The following DOCK1 variants were observed in gnomAD, a reference collection of about 807,000 sequenced individuals.
DOCK1 encodes dedicator of cytokinesis 1.
Under a neutral mutation model 262.7 loss-of-function variants are expected in DOCK1, and 138 were observed. The ratio of observed to expected loss-of-function variants is 0.53; its 90% confidence interval spans 0.46 to 0.61. DOCK1 has a LOEUF of 0.61. Ranked by LOEUF, DOCK1 falls within the 20% of genes least tolerant of loss-of-function variation. The probability of loss-of-function intolerance (pLI) is 0.00; values close to 1 mark genes in which losing one functional copy is unlikely to be tolerated. For synonymous variants in DOCK1, 866 were observed against 867.4 expected (o/e 1.00, Z 0.03); for missense variants, 1,908 against 2,370.7 (o/e 0.80, Z 4.05).
intron 35 of DOCK1, among the ~76,000 whole-genome samples, chr10:127,375,696 A>G (rs1448155082): frequency 1.3e-5 from 2 of 152,228 alleles, no homozygotes. Context: ...TCGCCCCTTC[A>G]TTGCATGGCT....
chr10:127,278,164 A>G (rs919995505), intron 29 of DOCK1, among the ~76,000 whole-genome samples: 1 of 152,166 alleles, frequency 6.6e-6, no homozygotes, highest in Admixed American at 6.5e-5. Flanking sequence ...AAACTAAAAA[A>G]GTATATTCTC....
intron 27 of DOCK1, among the ~76,000 whole-genome samples, chr10:127,239,696 A>G (rs909511800): frequency 6.6e-6 from 1 of 152,118 alleles, no homozygotes; most frequent in African/African-American, 2.4e-5. Flanking sequence ...TTTCTATTAT[A>G]GTGTGTTTTC....
intron 51 of DOCK1, among the ~76,000 whole-genome samples, chr10:127,448,477 G>A (rs751708857): frequency 1.3e-5 from 2 of 152,178 alleles, no homozygotes; most frequent in Non-Finnish European, 2.9e-5. Flanking sequence ...ATCCCTGCGG[G>A]TCCCAGCCCC....
chr10:126,978,582 T>G (rs763686498), intron 3 of DOCK1, among the ~76,000 whole-genome samples: 1 of 152,218 alleles, frequency 6.6e-6, no homozygotes, highest in African/African-American at 2.4e-5. Context: ...CTTAGCTTCA[T>G]GGAACCTAAT....
chr10:127,284,979 A>G (rs1288937548), intron 29 of DOCK1, among the ~76,000 whole-genome samples: 2 of 152,076 alleles, frequency 1.3e-5, no homozygotes, highest in African/African-American at 4.8e-5. Context: ...CAAAAAAAAA[A>G]TTTAAAAATT....
At chr10:127,435,173 T>G (rs1171853782) in intron 48 of DOCK1, among the ~76,000 whole-genome samples, 1 of 152,200 alleles carries the variant, frequency 6.6e-6, no homozygotes, top group Admixed American at 6.5e-5. Context: ...GTAAAGTTTG[T>G]TCTTCTACAA....
At chr10:126,920,952 G>A (rs991737516) in intron 1 of DOCK1, among the ~76,000 whole-genome samples, 1 of 152,074 alleles carries the variant, frequency 6.6e-6, no homozygotes, top group South Asian at 2.1e-4. Context: ...ATCCCAGCAC[G>A]TTGGGAGGCC....
chr10:127,315,616 C>G (rs945926150), intron 29 of DOCK1, among the ~76,000 whole-genome samples: 1 of 152,158 alleles, frequency 6.6e-6, no homozygotes, highest in African/African-American at 2.4e-5. Flanking sequence ...TAGGGCAGCC[C>G]CAACGAACTA....
intron 24 of DOCK1, 88 bp from the exon 25 acceptor site, chr10:127,110,160 T>C: frequency 9.5e-7 from 1 of 1,047,686 alleles, no homozygotes; most frequent in Non-Finnish European, 1.4e-6. Context: ...TTAATGACCA[T>C]GTGATGACCT....
intron 1 of DOCK1, among the ~76,000 whole-genome samples, chr10:126,925,990 T>A (rs1314881131): frequency 6.6e-6 from 1 of 152,074 alleles, no homozygotes; most frequent in East Asian, 1.9e-4. Flanking sequence ...GGGTGCAAAC[T>A]CCTTAATTCC....
intron 27 of DOCK1, among the ~76,000 whole-genome samples, chr10:127,239,041 G>A (rs1406335393): frequency 6.6e-6 from 1 of 152,210 alleles, no homozygotes; most frequent in Non-Finnish European, 1.5e-5. Context: ...TTCCTGTGTT[G>A]ATGCTTTCCT....
intron 27 of DOCK1, among the ~76,000 whole-genome samples, chr10:127,192,417 C>A (rs894731730): frequency 3.9e-5 from 6 of 152,162 alleles, no homozygotes; most frequent in African/African-American, 9.7e-5. Flanking sequence ...CCAATTAGAG[C>A]TGGGAATACA....
chr10:127,085,723 A>C (rs1428931186), intron 23 of DOCK1, among the ~76,000 whole-genome samples: 2 of 152,032 alleles, frequency 1.3e-5, no homozygotes, highest in Non-Finnish European at 2.9e-5. Context: ...GCGCCACTGC[A>C]CTCCAGCCTG....
At chr10:127,075,015 C>G (rs1207151404) in intron 23 of DOCK1, among the ~76,000 whole-genome samples, 1 of 151,526 alleles carries the variant, frequency 6.6e-6, no homozygotes, top group African/African-American at 2.4e-5. Context: ...ACTAAAAATA[C>G]GGAATTAGCT....
chr10:127,319,580 C>G (rs145462783), intron 29 of DOCK1, among the ~76,000 whole-genome samples: 50 of 152,234 alleles, frequency 3.3e-4, no homozygotes, highest in African/African-American at 1.2e-3. Context: ...TGGCCATATT[C>G]GGGTGGTAAA....
chr10:127,451,615 T>A lies in DOCK1; in HGVS notation c.*188T>A. On this transcript the variant is annotated 3_prime_UTR_variant, in exon 52 of 52. Coordinates refer to ENST00000623213, the MANE Select transcript of DOCK1 (RefSeq NM_001290223.2). ...TGGCCTTTAGCGTCATGGAGCAAGG[T>A]GGGTCTGGGAGGTAGATATGGGTCC... is the stretch of plus-strand genomic sequence containing the variant. 7.1e-7 allele frequency: 1 copy of A among 1,399,862 alleles called. No homozygotes were observed. Among genetic ancestry groups the A allele is most frequent in the Non-Finnish European group, 9.4e-7 (1 of 1,061,708 alleles). 86.7% of individuals were successfully genotyped at this position (1,399,862 alleles called of 1,614,324 possible). A position where few individuals can be genotyped will look rare whatever the true frequency, so the allele number is the denominator to read the frequency against.
intron 26 of DOCK1, among the ~76,000 whole-genome samples, 166 bp downstream of exon 26, chr10:127,125,767 T>C (rs2133079592): frequency 6.6e-6 from 1 of 152,336 alleles, no homozygotes; most frequent in South Asian, 2.1e-4. Flanking sequence ...TTTATGTATA[T>C]ATGGTGATTA....
At chr10:127,191,186 CG>C (rs1295970972) in intron 27 of DOCK1, among the ~76,000 whole-genome samples, 3 of 152,108 alleles carry the variant, frequency 2.0e-5, no homozygotes, top group Non-Finnish European at 4.4e-5. Flanking sequence ...CGAAGTGAGC[CG>C]GGGCATCACT....
Position 127,052,751 on chromosome 10 carries a change from A to G in DOCK1, c.2272A>G (p.Lys758Glu). 6.2e-7 allele frequency: 1 copy of G among 1,613,970 alleles called. No individual in the cohort carries two copies. The highest frequency in any genetic ancestry group is 8.5e-7 in the Non-Finnish European group (1 of 1,179,884). ...GCCGGGAGTAAATGAGCAGCTGTACAAAGCCATGAAAGCGCTAGAATCCAT... is the reference window on the plus strand; with the variant it reads ...GCCGGGAGTAAATGAGCAGCTGTACGAAGCCATGAAAGCGCTAGAATCCAT... ...EKPGVNEQLY[K>E]AMKALESIFK... The change falls in exon 22 of 52, where the codon AAA becomes GAA. Residue 758 changes from lysine to glutamate, a missense_variant. Around this residue, in one of 9 missense-constraint regions of DOCK1, gnomAD observed 518 missense variants for 575.1 expected, o/e 0.90. Transcript: ENST00000623213.
Sources: allele counts gnomAD v4.1 joint callset (sites outside exome capture counted in the v4.1 genomes callset), GRCh38; gene constraint gnomAD v4.1.1; regional missense constraint gnomAD v4.1.1; transcripts MANE v1.5; gene names NCBI Gene and HGNC (gene_info 2026-07-23, HGNC 2026-07-21).